Variants in TMEM266 observed in about 807,000 individuals in gnomAD.
TMEM266 encodes the protein transmembrane protein 266.
TMEM266 carries 33 observed loss-of-function variants against 50.5 expected under a neutral mutation model. The ratio of observed to expected loss-of-function variants is 0.65; its 90% confidence interval spans 0.50 to 0.87. The LOEUF (loss-of-function observed/expected upper bound fraction) is 0.87. Among genes scored for constraint, TMEM266 ranks in the 40% least tolerant of loss-of-function variants. The pLI is 0.00. For synonymous variants in TMEM266, 310 were observed against 292.3 expected (o/e 1.06, Z -0.62); for missense variants, 655 against 695.1 (o/e 0.94, Z 0.65).
rs2038016074 is a variant in TMEM266, at chr15:76,161,357, C to T, written c.456+1189C>T. On this transcript the variant is annotated intron_variant, in intron 5 of 10. Coordinates refer to ENST00000388942, the MANE Select transcript of TMEM266 (RefSeq NM_152335.3). The surrounding 1 kb of genome is among the most constrained non-coding windows in gnomAD (Gnocchi z 4.1). ...GGGGGCCTTGAAGGGAGGAAGGATG[C>T]TATGGGAGAGGGTGGCGTGGGCAGA... 1.3e-5 allele frequency among the ~76,000 whole-genome samples: 2 copies of T among 152,042 alleles called. No homozygotes were observed. Among genetic ancestry groups the T allele is most frequent in the African/African-American group, 4.8e-5 (2 of 41,400 alleles).
At chr15:76,143,607 C>T (rs748180999) in intron 3 of TMEM266, among the ~76,000 whole-genome samples, 31 of 152,342 alleles carry the variant, frequency 2.0e-4, no homozygotes, top group Non-Finnish European at 4.0e-4. Flanking sequence ...TCTCCCGCCT[C>T]GGCCTCCCGG....
At position 76,202,271 on chromosome 15, in the gene TMEM266, C is replaced by A; in HGVS notation, c.1021+7C>A. 6.2e-7 allele frequency: 1 copy of A among 1,612,734 alleles called. No homozygotes were observed. The highest frequency in any genetic ancestry group is 1.1e-5 in the South Asian group (1 of 90,916). On this transcript the variant is annotated splice_region_variant and intron_variant, in intron 10 of 10. Coordinates refer to ENST00000388942, the MANE Select transcript of TMEM266 (RefSeq NM_152335.3). ...TACAATGGGCCCAGCAGTGGTAAGTCTGGGTTGGGGCTGTTCTACATGTGC... is the reference window on the plus strand; with the variant it reads ...TACAATGGGCCCAGCAGTGGTAAGTATGGGTTGGGGCTGTTCTACATGTGC...
intron 8 of TMEM266, among the ~76,000 whole-genome samples, chr15:76,182,479 A>G (rs2038429730): frequency 6.6e-6 from 1 of 151,540 alleles, no homozygotes; most frequent in African/African-American, 2.4e-5. Context: ...TACTAAAAAA[A>G]AATATATATA....
chr15:76,168,858 G>T lies in TMEM266; in HGVS notation c.457-958G>T, dbSNP rs1016327079. Among the ~76,000 whole-genome samples, 2 of 152,328 alleles carry T rather than the reference G, an allele frequency of 1.3e-5. No individual in the cohort carries two copies. The highest frequency in any genetic ancestry group is 4.8e-5 in the African/African-American group (2 of 41,580). ...GGAGGCACCAGCTGAGCCGGGGAGTGTGCAAGAGCTTCATGGAGGTGACGT... is the reference window on the plus strand; with the variant it reads ...GGAGGCACCAGCTGAGCCGGGGAGTTTGCAAGAGCTTCATGGAGGTGACGT... On this transcript the variant is annotated intron_variant, in intron 5 of 10. Transcript: ENST00000388942. The surrounding 1 kb of genome is among the most constrained non-coding windows in gnomAD (Gnocchi z 4.4).
intron 1 of TMEM266, among the ~76,000 whole-genome samples, chr15:76,068,426 TG>T (rs1333433471): frequency 6.6e-6 from 1 of 152,178 alleles, no homozygotes; most frequent in Non-Finnish European, 1.5e-5. Flanking sequence ...TGCTAACAGG[TG>T]GAAGGAACTC....
intron 1 of TMEM266, among the ~76,000 whole-genome samples, chr15:76,086,582 G>T (rs970625556): frequency 1.3e-5 from 2 of 152,194 alleles, no homozygotes; most frequent in Non-Finnish European, 2.9e-5. Context: ...CAAGCAAGGG[G>T]CTCAAGAGCC....
chr15:76,122,426 A>G (rs1182325688), intron 1 of TMEM266, among the ~76,000 whole-genome samples: 1 of 152,242 alleles, frequency 6.6e-6, no homozygotes, highest in Non-Finnish European at 1.5e-5. Context: ...CATATGTAGT[A>G]TGAAAAGTAT....
chr15:76,099,268 G>A (rs1250731653), intron 1 of TMEM266, among the ~76,000 whole-genome samples: 1 of 152,220 alleles, frequency 6.6e-6, no homozygotes, highest in Non-Finnish European at 1.5e-5. Context: ...TGGGACAAGT[G>A]CAGTATCTGT....
intron 1 of TMEM266, among the ~76,000 whole-genome samples, chr15:76,105,570 A>G (rs1423352712): frequency 6.6e-6 from 1 of 152,282 alleles, no homozygotes; most frequent in South Asian, 2.1e-4. Context: ...CCATTGTAGT[A>G]CAAAAGCAGT....
At chr15:76,167,112 C>T (rs2038109606) in intron 5 of TMEM266, among the ~76,000 whole-genome samples, 1 of 152,156 alleles carries the variant, frequency 6.6e-6, no homozygotes, top group African/African-American at 2.4e-5. Flanking sequence ...GCTATTGTAG[C>T]ATTTCAGAGG....
At chr15:76,200,258 T>C (rs1359801180) in intron 9 of TMEM266, among the ~76,000 whole-genome samples, 1 of 152,192 alleles carries the variant, frequency 6.6e-6, no homozygotes, top group Non-Finnish European at 1.5e-5. Flanking sequence ...AGGGGACTCC[T>C]GTACTGGGGA....
intron 1 of TMEM266, among the ~76,000 whole-genome samples, chr15:76,077,853 G>A (rs2036627442): frequency 6.6e-6 from 1 of 152,052 alleles, no homozygotes; most frequent in South Asian, 2.1e-4. Flanking sequence ...AAGCCACCAA[G>A]TTTTTGGTGA....
intron 1 of TMEM266, among the ~76,000 whole-genome samples, chr15:76,065,458 C>T (rs1240507648): frequency 2.0e-5 from 3 of 151,956 alleles, no homozygotes; most frequent in Non-Finnish European, 4.4e-5. Flanking sequence ...TGTCTGTCGG[C>T]AGCTCCTTCC....
At chr15:76,117,680 A>G (rs930059733) in intron 1 of TMEM266, among the ~76,000 whole-genome samples, 2 of 152,186 alleles carry the variant, frequency 1.3e-5, no homozygotes, top group Non-Finnish European at 2.9e-5. Context: ...AGGGCTAGGC[A>G]CTTCTGGAGG....
chr15:76,146,925 A>G (rs2037765779), intron 3 of TMEM266, among the ~76,000 whole-genome samples: 1 of 152,222 alleles, frequency 6.6e-6, no homozygotes, highest in African/African-American at 2.4e-5. Flanking sequence ...GTACCGGGCC[A>G]GGGGCTTCCT....
intron 1 of TMEM266, among the ~76,000 whole-genome samples, chr15:76,118,371 G>C (rs2037284927): frequency 6.6e-6 from 1 of 152,190 alleles, no homozygotes; most frequent in Non-Finnish European, 1.5e-5. Context: ...AGACCAGCCT[G>C]TCCAACATGG....
At chr15:76,200,424 G>A (rs1298490216) in intron 9 of TMEM266, among the ~76,000 whole-genome samples, 1 of 152,230 alleles carries the variant, frequency 6.6e-6, no homozygotes, top group Non-Finnish European at 1.5e-5. Flanking sequence ...GAGGGGATGG[G>A]ACCTGCTTGA....
At chr15:76,191,805 A>C in intron 8 of TMEM266, 163 bp from the exon 9 acceptor site, 1 of 657,406 alleles carries the variant, frequency 1.5e-6, no homozygotes, top group Non-Finnish European at 2.4e-6. Flanking sequence ...AGCTCTTGCG[A>C]ACCGCGATGC....
intron 3 of TMEM266, among the ~76,000 whole-genome samples, chr15:76,152,506 C>A (rs950363100): frequency 6.6e-6 from 1 of 152,144 alleles, no homozygotes; most frequent in African/African-American, 2.4e-5. Flanking sequence ...TGAGCTATAC[C>A]CCCTGCTGAA....
Sources: gnomAD v4.1 joint callset for allele counts (sites outside exome capture counted in the v4.1 genomes callset) on GRCh38, gnomAD v4.1.1 for gene constraint, Gnocchi (gnomAD v3.1) non-coding constraint, MANE v1.5 for transcripts, NCBI Gene and HGNC (gene_info 2026-07-23, HGNC 2026-07-21) for gene names.